The following NCAPD3 variants were observed in gnomAD, a reference collection of about 807,000 sequenced individuals.
The protein encoded by NCAPD3 is condensin-2 complex subunit D3.
NCAPD3 carries 105 observed loss-of-function variants against 182.9 expected under a neutral mutation model. That is an observed-to-expected ratio of 0.57 (90% confidence interval 0.49 to 0.68). NCAPD3 has a LOEUF of 0.68. Ranked by LOEUF, NCAPD3 falls within the 30% of genes least tolerant of loss-of-function variation. The probability of loss-of-function intolerance (pLI) is 0.00; values close to 1 mark genes in which losing one functional copy is unlikely to be tolerated. For missense variants in NCAPD3, 1,944 were observed against 1,837.0 expected (o/e 1.06, Z -1.07); for synonymous variants, 815 against 679.9 (o/e 1.20, Z -3.09).
At chr11:134,168,717 G>GAGA in intron 25 of NCAPD3, 115 bp from the exon 26 acceptor site, 1 of 1,446,608 alleles carries the variant, frequency 6.9e-7, no homozygotes, top group Non-Finnish European at 9.4e-7. Flanking sequence ...GTGCACTACA[G>GAGA]AGATCCCAGT....
rs141195251 is a variant in NCAPD3 at position 134,216,857 on chromosome 11, G to T, written c.382+79C>A. ...GCCCCATTTATAAGTGAAGAAACAA[G>T]AAACAAAGTATAAGAATTGAAAACT... On this transcript the variant is annotated intron_variant, in intron 3 of 34. Transcript: ENST00000534548. The T allele has an allele frequency of 2.3e-3, 3,312 of 1,419,592 alleles. 10 individuals are homozygous for T. The highest frequency in any genetic ancestry group is 3.4e-3 in the Middle Eastern group (13 of 3,846). 87.9% of individuals were successfully genotyped at this position (1,419,592 alleles called of 1,614,324 possible). A position where few individuals can be genotyped will look rare whatever the true frequency, so the allele number is the denominator to read the frequency against.
chr11:134,171,681 C>T (rs1944009182), intron 24 of NCAPD3, among the ~76,000 whole-genome samples: 1 of 152,168 alleles, frequency 6.6e-6, no homozygotes, highest in East Asian at 1.9e-4. Context: ...CTGTCTAGAC[C>T]CTGGTCATCC....
At chr11:134,208,075 C>G (rs1320481851) in intron 7 of NCAPD3, among the ~76,000 whole-genome samples, 2 of 152,186 alleles carry the variant, frequency 1.3e-5, no homozygotes, top group African/African-American at 4.8e-5. Flanking sequence ...GTGAATGGCT[C>G]ATTCAAGGAC....
At chr11:134,201,215 G>A (rs965444311) in intron 13 of NCAPD3, among the ~76,000 whole-genome samples, 1 of 151,806 alleles carries the variant, frequency 6.6e-6, no homozygotes, top group East Asian at 1.9e-4. Flanking sequence ...GTAGAGACGG[G>A]GTTTCACCAT....
At chr11:134,205,390 T>A (rs1426702664) in intron 8 of NCAPD3, among the ~76,000 whole-genome samples, 1 of 152,064 alleles carries the variant, frequency 6.6e-6, no homozygotes, top group Non-Finnish European at 1.5e-5. Context: ...TTCTTTTTTT[T>A]TTTTTTGTAG....
At chr11:134,224,286 C>G (rs966366758), upstream of NCAPD3, 1 of 350,110 alleles carries the variant, frequency 2.9e-6, no homozygotes, top group Non-Finnish European at 5.3e-6. Flanking sequence ...GTAACTGTCA[C>G]CTTTGCCCTC....
Position 134,223,955 on chromosome 11 carries a change from G to A in NCAPD3, c.-29C>T, listed in dbSNP as rs776808268. On this transcript the variant is annotated 5_prime_UTR_variant, in exon 1 of 35. It adds an upstream start codon to the 5' untranslated region. Transcript: ENST00000534548. ...CCCAGGGCACCGGCTCGCCGCCGCC[G>A]TGCTCAACTTTCAAAGCTCGCTCCC... 3.7e-6 allele frequency: 6 copies of A among 1,608,098 alleles called. No individual in the cohort carries two copies. Among genetic ancestry groups the A allele is most frequent in the East Asian group, 2.2e-5 (1 of 44,630 alleles).
At chr11:134,212,248 C>A (rs887450435) in intron 3 of NCAPD3, among the ~76,000 whole-genome samples, 2 of 152,080 alleles carry the variant, frequency 1.3e-5, no homozygotes, top group Non-Finnish European at 2.9e-5. Flanking sequence ...AATATAAAAG[C>A]TGTTTATCTT....
Position 134,160,052 on chromosome 11 carries a change from T to A in NCAPD3, c.3707A>T (p.Asp1236Val), listed in dbSNP as rs1163565372. 6.2e-7 allele frequency: 1 copy of A among 1,614,118 alleles called. No homozygotes were observed. Among genetic ancestry groups the A allele is most frequent in the Admixed American group, 1.7e-5 (1 of 60,012 alleles). Reference sequence around the variant, plus strand: ...AACTGCAAAGAAGTCCTTGAGCTCATCTCGGTAATCCTGCATCACCTCCTG... The same window carrying A: ...AACTGCAAAGAAGTCCTTGAGCTCAACTCGGTAATCCTGCATCACCTCCTG... Reference protein sequence around the residue: ...YLREVMQDYRDELKDFFAVDK... With the variant: ...YLREVMQDYRVELKDFFAVDK... The change falls in exon 29 of 35, where the codon GAT (aspartate) becomes GTT (valine). Residue 1236 changes from aspartate (D) to valine (V), a missense_variant. Transcript: ENST00000534548.
At chr11:134,160,581 G>A (rs912165714) in intron 28 of NCAPD3, among the ~76,000 whole-genome samples, 2 of 152,108 alleles carry the variant, frequency 1.3e-5, no homozygotes, top group South Asian at 2.1e-4. Flanking sequence ...TCCCATCTTT[G>A]TGTCTTCTTC....
In NCAPD3 at chr11:134,218,115, G is replaced by T. The variant is rs868137524; in HGVS notation, c.220-1017C>A. On this transcript the variant is annotated intron_variant, in intron 2 of 34. Transcript: ENST00000534548. ...CCTGGTCTCAAAAAAAAAAAAGGGG[G>T]GGGGGGGAAGAAATCATCTCCTAAC... Among the ~76,000 whole-genome samples, 66 of 110,870 alleles carry T rather than the reference G, an allele frequency of 6.0e-4. 2 individuals are homozygous for T. The highest frequency in any genetic ancestry group is 1.7e-3 in the African/African-American group (60 of 34,504). The allele number at this position is 110,870 out of a possible 152,430, so 72.7% of individuals were successfully genotyped here.
chr11:134,169,613 C>T (rs1182261551), intron 24 of NCAPD3, among the ~76,000 whole-genome samples: 1 of 152,208 alleles, frequency 6.6e-6, no homozygotes, highest in African/African-American at 2.4e-5. Flanking sequence ...TTTGGAATCA[C>T]CAGCAAGCCC....
At chr11:134,206,571 G>C in intron 8 of NCAPD3, 28 bp downstream of exon 8, 1 of 1,612,524 alleles carries the variant, frequency 6.2e-7, no homozygotes, top group Non-Finnish European at 8.5e-7. Context: ...GACTGACAGG[G>C]TGAAAATTCA....
At chr11:134,208,496 C>G (rs886770469) in intron 7 of NCAPD3, among the ~76,000 whole-genome samples, 3 of 152,172 alleles carry the variant, frequency 2.0e-5, no homozygotes, top group African/African-American at 7.2e-5. Flanking sequence ...GACTATTCTA[C>G]TTTTTAGAAT....
Position 134,168,038 on chromosome 11 carries a change from T to G in NCAPD3, c.3531A>C (p.Ala1177=). Reference sequence around the variant, plus strand: ...TCTGAGCTTCCTGCATGACTACATTTGCCAAGGCCATGTCATCTTCTTCCA... The same window carrying G: ...TCTGAGCTTCCTGCATGACTACATTGGCCAAGGCCATGTCATCTTCTTCCA... ...LLMEEDDMAL[A]NVVMQEAQKK... The change falls in exon 27 of 35, where the codon GCA becomes GCC. Residue 1177 remains alanine (A), a synonymous_variant. Transcript: ENST00000534548. 1.2e-6 allele frequency: 2 copies of G among 1,614,122 alleles called. No individual in the cohort carries two copies.
rs765078688 is a variant in NCAPD3 at position 134,216,937 on chromosome 11, T to G, written c.381A>C (p.Pro127=). The change falls in exon 3 of 35, where the codon CCA becomes CCC. Residue 127 remains proline, a splice_region_variant and synonymous_variant. Coordinates refer to ENST00000534548, the MANE Select transcript of NCAPD3 (RefSeq NM_015261.3). ...AGLYFLLLEV[P]GSVANQVFHP... ...TCCTATCATATCAGGTCTACATACC[T>G]GGTACTTCTAGTAGCAAAAAGTAAA... 3.7e-6 allele frequency: 6 copies of G among 1,608,748 alleles called. No homozygotes were observed. Among genetic ancestry groups the G allele is most frequent in the Non-Finnish European group, 5.1e-6 (6 of 1,178,358 alleles).
chr11:134,150,326 CTG>C lies in NCAPD3; in HGVS notation c.*2616_*2617del, dbSNP rs751289336. The C allele has an allele frequency of 6.6e-6, 1 of 152,336 alleles. No homozygotes were observed. Among genetic ancestry groups the C allele is most frequent in the Non-Finnish European group, 1.5e-5 (1 of 68,112 alleles). 9.4% of individuals were successfully genotyped at this position (152,336 alleles called of 1,614,324 possible). A position where few individuals can be genotyped will look rare whatever the true frequency, so the allele number is the denominator to read the frequency against. On this transcript the variant is annotated 3_prime_UTR_variant, in exon 35 of 35. Transcript: ENST00000534548. ...CTCTTCCTGAGATGACTAGGACAGT[CTG>C]TACCCAGAGGCCACCCAGAAGCCCT...
Position 134,158,498 on chromosome 11 carries a change from G to C in NCAPD3, c.3868-3C>G, listed in dbSNP as rs1475535409. The C allele has an allele frequency of 1.2e-6, 2 of 1,612,506 alleles. No homozygotes were observed. The highest frequency in any genetic ancestry group is 8.5e-7 in the Non-Finnish European group (1 of 1,179,504). Reference sequence around the variant, plus strand: ...ACTGTTTCTAAACACAGGGCAACCTGGTAGAGAAGATAAAGAGTATGTACA... The same window carrying C: ...ACTGTTTCTAAACACAGGGCAACCTCGTAGAGAAGATAAAGAGTATGTACA... On this transcript the variant is annotated splice_polypyrimidine_tract_variant and splice_region_variant and intron_variant, in intron 29 of 34. Coordinates refer to ENST00000534548, the MANE Select transcript of NCAPD3 (RefSeq NM_015261.3).
chr11:134,169,877 A>G (rs767705855), intron 24 of NCAPD3, among the ~76,000 whole-genome samples: 9 of 152,222 alleles, frequency 5.9e-5, no homozygotes, highest in Non-Finnish European at 8.8e-5. Context: ...CACTGTCAAG[A>G]CCAGTGTTTT....
Sources: allele counts gnomAD v4.1 joint callset (sites outside exome capture counted in the v4.1 genomes callset), GRCh38; gene constraint gnomAD v4.1.1; transcripts MANE v1.5; gene names NCBI Gene and HGNC (gene_info 2026-07-23, HGNC 2026-07-21).